KHDRBS2: variants seen among roughly 807,000 people sequenced by gnomAD.
The protein encoded by KHDRBS2 is KH RNA binding domain containing, signal transduction associated 2, also known as KH domain-containing, RNA-binding, signal transduction-associated protein 2.
KHDRBS2 carries 26 observed loss-of-function variants against 44.3 expected under a neutral mutation model. The observed-to-expected ratio is 0.59, with a 90% CI of 0.43 to 0.81. The LOEUF is 0.81. Ranked by LOEUF, KHDRBS2 falls within the 40% of genes least tolerant of loss-of-function variation. The pLI, the probability that KHDRBS2 is intolerant of heterozygous loss-of-function variation, is 0.00. For synonymous variants in KHDRBS2, 194 were observed against 151.1 expected (o/e 1.28, Z -2.08); for missense variants, 476 against 433.1 (o/e 1.10, Z -0.88).
the KHDRBS2 span, among the ~76,000 whole-genome samples, chr6:61,589,986 C>T: frequency 6.6e-6 from 1 of 152,174 alleles, no homozygotes; most frequent in Middle Eastern, 3.4e-3. Flanking sequence ...AAACCTAGCA[C>T]TGAATGGGAC....
intron 6 of KHDRBS2, among the ~76,000 whole-genome samples, chr6:61,785,001 T>C (rs1409244848): frequency 2.0e-5 from 3 of 151,878 alleles, no homozygotes; most frequent in Admixed American, 1.3e-4. Flanking sequence ...ATACAAAAAT[T>C]TGCAGGGCAT....
chr6:61,908,890 G>A (rs1419104146), intron 4 of KHDRBS2, among the ~76,000 whole-genome samples: 1 of 151,966 alleles, frequency 6.6e-6, no homozygotes, highest in African/African-American at 2.4e-5. Context: ...GCATATACCT[G>A]CAGTAAATAA....
intron 2 of KHDRBS2, among the ~76,000 whole-genome samples, chr6:62,058,233 G>A (rs530922656): frequency 2.0e-5 from 3 of 151,788 alleles, no homozygotes; most frequent in Admixed American, 6.6e-5. Context: ...TTGCTCACTG[G>A]CATCACCTGT....
chr6:62,255,630 AC>A (rs1217590926), intron 1 of KHDRBS2, among the ~76,000 whole-genome samples: 2 of 151,062 alleles, frequency 1.3e-5, no homozygotes, highest in Non-Finnish European at 3.0e-5. Flanking sequence ...ACACACACAC[AC>A]ACACACACAC....
At chr6:61,935,475 C>T (rs1268213397) in intron 4 of KHDRBS2, among the ~76,000 whole-genome samples, 1 of 152,104 alleles carries the variant, frequency 6.6e-6, no homozygotes, top group Admixed American at 6.6e-5. Context: ...CATCCATGAA[C>T]AATACTTTGC....
intron 2 of KHDRBS2, among the ~76,000 whole-genome samples, chr6:62,073,586 T>G (rs1242411308): frequency 1.3e-5 from 2 of 150,060 alleles, no homozygotes; most frequent in Admixed American, 6.7e-5. Context: ...TGTTATTTCC[T>G]TCTGTTTGCT....
chr6:61,544,330 T>C, the KHDRBS2 span, among the ~76,000 whole-genome samples: 1 of 152,102 alleles, frequency 6.6e-6, no homozygotes. Context: ...CTTCAGCAGA[T>C]TTCATAATCA....
At chr6:61,671,705 C>CATT in the KHDRBS2 span, among the ~76,000 whole-genome samples, 1 of 151,668 alleles carries the variant, frequency 6.6e-6, no homozygotes. Flanking sequence ...AAATGTTACA[C>CATT]ATTATATCGA....
At chr6:61,994,793 T>G (rs1159101825) in intron 3 of KHDRBS2, among the ~76,000 whole-genome samples, 1 of 152,126 alleles carries the variant, frequency 6.6e-6, no homozygotes, top group Non-Finnish European at 1.5e-5. Flanking sequence ...AAGATCCTGG[T>G]AAAATGGTGT....
chr6:61,785,301 C>A (rs889592271), intron 6 of KHDRBS2, among the ~76,000 whole-genome samples: 8 of 152,020 alleles, frequency 5.3e-5, no homozygotes, highest in Non-Finnish European at 2.9e-5. Flanking sequence ...GGCCTCTCAT[C>A]TCAACAAAAA....
At chr6:62,083,446 C>T (rs190869428) in intron 2 of KHDRBS2, among the ~76,000 whole-genome samples, 3 of 152,252 alleles carry the variant, frequency 2.0e-5, no homozygotes, top group Admixed American at 2.0e-4. Context: ...AGAGAAGGAC[C>T]CAGGTGTGGG....
chr6:61,661,601 T>C, the KHDRBS2 span, among the ~76,000 whole-genome samples: 1 of 151,898 alleles, frequency 6.6e-6, no homozygotes, highest in Non-Finnish European at 1.5e-5. Flanking sequence ...CTATCTATGA[T>C]CAGTCTCTCC....
At chr6:61,901,510 T>C in intron 4 of KHDRBS2, 139 bp from the exon 5 acceptor site, 1 of 635,892 alleles carries the variant, frequency 1.6e-6, no homozygotes, top group Non-Finnish European at 2.7e-6. Context: ...TATGCAAAAA[T>C]ATAAAATGAT....
intron 8 of KHDRBS2, among the ~76,000 whole-genome samples, chr6:61,693,372 T>C (rs1240558454): frequency 2.0e-5 from 3 of 152,142 alleles, no homozygotes. Flanking sequence ...TGCAAGGTTA[T>C]GGTGCTGAGC....
chr6:61,988,327 G>C (rs1349831576), intron 3 of KHDRBS2, among the ~76,000 whole-genome samples: 1 of 152,200 alleles, frequency 6.6e-6, no homozygotes, highest in Non-Finnish European at 1.5e-5. Flanking sequence ...TAACATATGA[G>C]AGACTTGTTT....
intron 2 of KHDRBS2, among the ~76,000 whole-genome samples, chr6:62,085,612 C>A (rs1196492339): frequency 6.6e-6 from 1 of 152,054 alleles, no homozygotes; most frequent in Non-Finnish European, 1.5e-5. Context: ...CAAAATGCTG[C>A]TGAGAAACCA....
At chr6:62,225,910 A>G (rs1190585828) in intron 1 of KHDRBS2, among the ~76,000 whole-genome samples, 1 of 152,182 alleles carries the variant, frequency 6.6e-6, no homozygotes, top group Non-Finnish European at 1.5e-5. Context: ...GTGTATATGT[A>G]CAACACTTTC....
chr6:62,209,097 ACATATCTGAT>A (rs1461608678), intron 1 of KHDRBS2, among the ~76,000 whole-genome samples: 2 of 152,240 alleles, frequency 1.3e-5, no homozygotes, highest in Non-Finnish European at 2.9e-5. Context: ...CTTCTTAGCC[ACATATCTGAT>A]AAAGGTTAAT....
At chr6:62,237,244 A>C (rs1833851982) in intron 1 of KHDRBS2, among the ~76,000 whole-genome samples, 1 of 152,192 alleles carries the variant, frequency 6.6e-6, no homozygotes, top group South Asian at 2.1e-4. Context: ...GTACCTAATA[A>C]AAAAATTCAT....
Sources: allele counts gnomAD v4.1 joint callset (sites outside exome capture counted in the v4.1 genomes callset), GRCh38; gene constraint gnomAD v4.1.1; transcripts MANE v1.5; gene names NCBI Gene and HGNC (gene_info 2026-07-23, HGNC 2026-07-21).